The following MEF2A variants were observed in gnomAD, a reference collection of about 807,000 sequenced individuals.
The protein encoded by MEF2A is myocyte-specific enhancer factor 2A.
A neutral mutation model predicts 55.8 loss-of-function variants in MEF2A; 28 were observed. That is an observed-to-expected ratio of 0.50 (90% CI 0.37 to 0.69). MEF2A has a LOEUF of 0.69. Among genes scored for constraint, MEF2A ranks in the 30% least tolerant of loss-of-function variants. MEF2A has a pLI of 0.00. For missense variants in MEF2A, 528 were observed against 626.2 expected (o/e 0.84, Z 1.67); for synonymous variants, 239 against 227.1 (o/e 1.05, Z -0.47).
At chr15:99,706,893 T>G in intron 10 of MEF2A, 38 bp downstream of exon 10, 1 of 1,596,468 alleles carries the variant, frequency 6.3e-7, no homozygotes, top group Non-Finnish European at 8.6e-7. Flanking sequence ...GTTTTACCGC[T>G]CTCTGTTTTG....
At position 99,633,054 on chromosome 15, in the gene MEF2A, A is replaced by G; in HGVS notation, c.-66A>G. On this transcript the variant is annotated 5_prime_UTR_variant, in exon 3 of 12. Coordinates refer to ENST00000557942, the MANE Select transcript of MEF2A (RefSeq NM_001319206.4). ...GAAGCTGTGTACGATGCATTAGGGT[A>G]TTGAAGAAAATTAACTTTTGAATTA... The G allele has an allele frequency of 1.5e-6, 2 of 1,334,384 alleles. No homozygotes were observed. The highest frequency in any genetic ancestry group is 2.1e-6 in the Non-Finnish European group (2 of 951,070). The allele number at this position is 1,334,384 out of a possible 1,614,324, so 82.7% of individuals were successfully genotyped here.
chr15:99,631,610 T>C (rs1257808305), intron 2 of MEF2A, among the ~76,000 whole-genome samples: 2 of 152,150 alleles, frequency 1.3e-5, no homozygotes, highest in Non-Finnish European at 2.9e-5. Flanking sequence ...CTTTTTCTTC[T>C]ACTAGACTCT....
chr15:99,696,413 C>T (rs1226327053), intron 8 of MEF2A, among the ~76,000 whole-genome samples: 1 of 151,928 alleles, frequency 6.6e-6, no homozygotes, highest in Non-Finnish European at 1.5e-5. Context: ...TATTCTCTGG[C>T]CATAAGGAAA....
intron 8 of MEF2A, among the ~76,000 whole-genome samples, chr15:99,693,521 A>G (rs1413608848): frequency 6.6e-6 from 1 of 152,188 alleles, no homozygotes; most frequent in Non-Finnish European, 1.5e-5. Context: ...ACATTACAGA[A>G]AAACAAAGAT....
chr15:99,712,533 A>ACC lies in MEF2A; in HGVS notation c.1280_1281insCC (p.Gln427HisfsTer31). The ACC allele has an allele frequency of 7.2e-7, 1 of 1,381,318 alleles. No homozygotes were observed. The highest frequency in any genetic ancestry group is 9.9e-7 in the Non-Finnish European group (1 of 1,009,740). The allele number at this position is 1,381,318 out of a possible 1,614,324, so 85.6% of individuals were successfully genotyped here. A position where few individuals can be genotyped will look rare whatever the true frequency, so the allele number is the denominator to read the frequency against. On this transcript the variant is annotated frameshift_variant, in exon 12 of 12. Coordinates refer to ENST00000557942, the MANE Select transcript of MEF2A (RefSeq NM_001319206.4). LOFTEE classifies it high-confidence loss of function. The surrounding 1 kb of genome is among the most constrained non-coding windows in gnomAD (Gnocchi z 4.1). ...CAGCAGCAGCAGCAGCAGCAGCAGC[A>ACC]GCAGCCGCCGCCACCACCGCAGCCC... is the stretch of plus-strand genomic sequence containing the variant.
chr15:99,610,925 A>T (rs1977023208), intron 2 of MEF2A, among the ~76,000 whole-genome samples: 2 of 152,236 alleles, frequency 1.3e-5, no homozygotes, highest in African/African-American at 4.8e-5. Context: ...AAAATTAAAA[A>T]CATTTTGCTT....
In MEF2A at chr15:99,713,574, A is replaced by G. The variant is rs2058872512; in HGVS notation, c.*803A>G. ...AAATTAAAGAAACTGATTTTAGCTC[A>G]TGTATATTTTATATGAAAGAAAACA... On this transcript the variant is annotated 3_prime_UTR_variant, in exon 12 of 12. Coordinates refer to ENST00000557942, the MANE Select transcript of MEF2A (RefSeq NM_001319206.4). 1 of 152,198 alleles carries G rather than the reference A, an allele frequency of 6.6e-6. No homozygotes were observed. Among genetic ancestry groups the G allele is most frequent in the Non-Finnish European group, 1.5e-5 (1 of 68,030 alleles). The allele number at this position is 152,198 out of a possible 1,614,324, so 9.4% of individuals were successfully genotyped here. A position where few individuals can be genotyped will look rare whatever the true frequency, so the allele number is the denominator to read the frequency against.
chr15:99,619,487 T>C (rs1027008637), intron 2 of MEF2A, among the ~76,000 whole-genome samples: 2 of 152,192 alleles, frequency 1.3e-5, no homozygotes, highest in Admixed American at 6.5e-5. Context: ...GCCTGTCTTA[T>C]AAAGAGGTTG....
intron 2 of MEF2A, among the ~76,000 whole-genome samples, chr15:99,632,245 C>T (rs1297446743): frequency 6.6e-6 from 1 of 152,164 alleles, no homozygotes; most frequent in Non-Finnish European, 1.5e-5. Flanking sequence ...TTGATTTTCA[C>T]TTCATCTGGA....
chr15:99,671,005 T>G (rs1184050349), intron 4 of MEF2A, among the ~76,000 whole-genome samples: 1 of 152,236 alleles, frequency 6.6e-6, no homozygotes, highest in East Asian at 1.9e-4. Flanking sequence ...GGTTATATCA[T>G]ATAAATTGAT....
chr15:99,707,612 A>G (rs541904009), intron 10 of MEF2A, among the ~76,000 whole-genome samples: 81 of 152,264 alleles, frequency 5.3e-4, no homozygotes, highest in African/African-American at 1.9e-3. Flanking sequence ...CCAATCTAAG[A>G]AGGAGTGGAA....
At chr15:99,699,780 G>C (rs533745258) in intron 8 of MEF2A, among the ~76,000 whole-genome samples, 80 of 152,104 alleles carry the variant, frequency 5.3e-4, no homozygotes, top group African/African-American at 1.8e-3. Context: ...ACAAAGGGTT[G>C]AACATATAAA....
intron 1 of MEF2A, among the ~76,000 whole-genome samples, chr15:99,588,457 A>G (rs1218843912): frequency 6.6e-6 from 1 of 151,494 alleles, no homozygotes; most frequent in Non-Finnish European, 1.5e-5. Flanking sequence ...ACACACCACC[A>G]TGCCCAGCTA....
intron 1 of MEF2A, among the ~76,000 whole-genome samples, chr15:99,592,506 G>C (rs957323607): frequency 2.0e-5 from 3 of 152,134 alleles, no homozygotes; most frequent in Non-Finnish European, 4.4e-5. Context: ...TTGCATTGCT[G>C]TAAGGGAATA....
chr15:99,602,013 C>CA (rs1973250288), intron 2 of MEF2A, among the ~76,000 whole-genome samples: 1 of 152,054 alleles, frequency 6.6e-6, no homozygotes, highest in African/African-American at 2.4e-5. Flanking sequence ...AAACTGTTAC[C>CA]AGCGGTGAAT....
rs141574824 is a variant in MEF2A at position 99,639,024 on chromosome 15, A to T, written c.54+5851A>T. On this transcript the variant is annotated intron_variant, in intron 3 of 11. Coordinates refer to ENST00000557942, the MANE Select transcript of MEF2A (RefSeq NM_001319206.4). ...ACTACTCCCTCTAACCTAAAAGCAG[A>T]CATCCTCATATACTTAAAAAAAAGA... is the stretch of plus-strand genomic sequence containing the variant. Among the ~76,000 whole-genome samples the T allele has an allele frequency of 3.0e-3, 454 of 152,304 alleles. 4 individuals carry two copies. Among genetic ancestry groups the T allele is most frequent in the African/African-American group, 0.01 (425 of 41,570 alleles).
At chr15:99,636,094 T>C (rs2043782828) in intron 3 of MEF2A, among the ~76,000 whole-genome samples, 1 of 152,204 alleles carries the variant, frequency 6.6e-6, no homozygotes, top group African/African-American at 2.4e-5. Flanking sequence ...GTCATTCTGG[T>C]AGGTGAACAA....
chr15:99,703,088 T>C lies in MEF2A; in HGVS notation c.859-274T>C, dbSNP rs2057604644. ...AAATACTGTTGCAGTAGCATGACTA[T>C]GTATAAGAGGCCAGCATGAGAGCAG... On this transcript the variant is annotated intron_variant, in intron 8 of 11. Transcript: ENST00000557942. 3.3e-5 allele frequency among the ~76,000 whole-genome samples: 5 copies of C among 152,212 alleles called. No homozygotes were observed. The South Asian group carries it at 1.0e-3, about 31-fold the overall frequency.
chr15:99,661,908 A>G (rs2048711017), intron 4 of MEF2A, among the ~76,000 whole-genome samples: 1 of 152,126 alleles, frequency 6.6e-6, no homozygotes. Flanking sequence ...AGAATGGATA[A>G]AGCTTTTTTT....
Sources: allele counts gnomAD v4.1 joint callset (sites outside exome capture counted in the v4.1 genomes callset), GRCh38; gene constraint gnomAD v4.1.1; non-coding constraint Gnocchi (gnomAD v3.1); transcripts MANE v1.5; gene names NCBI Gene and HGNC (gene_info 2026-07-23, HGNC 2026-07-21).